Variants in IGF1R observed in about 807,000 individuals in gnomAD.
IGF1R encodes insulin-like growth factor 1 receptor.
A neutral mutation model predicts 144.6 loss-of-function variants in IGF1R; 44 were observed. That is an observed-to-expected ratio of 0.30 (90% CI 0.24 to 0.39). IGF1R has a LOEUF of 0.39. IGF1R is among the 10% of genes least tolerant of loss of function. The probability of loss-of-function intolerance (pLI) is 1.00; values close to 1 mark genes in which losing one functional copy is unlikely to be tolerated. For missense variants in IGF1R, 1,355 were observed against 1,833.7 expected (o/e 0.74, Z 4.77); for synonymous variants, 795 against 722.8 (o/e 1.10, Z -1.60).
chr15:98,785,960 G>C (rs1238813011), intron 2 of IGF1R, among the ~76,000 whole-genome samples: 2 of 152,226 alleles, frequency 1.3e-5, no homozygotes, highest in Admixed American at 1.3e-4. Flanking sequence ...GGTTGCGGCT[G>C]TCTAATCCAA....
intron 2 of IGF1R, among the ~76,000 whole-genome samples, chr15:98,818,874 A>C (rs570963499): frequency 3.9e-5 from 6 of 152,134 alleles, no homozygotes; most frequent in Non-Finnish European, 7.3e-5. Context: ...AGCAATTTGT[A>C]GTGGATAGAT....
intron 1 of IGF1R, among the ~76,000 whole-genome samples, chr15:98,650,060 A>T (rs1029646485): frequency 1.3e-4 from 19 of 149,334 alleles, no homozygotes; most frequent in African/African-American, 4.6e-4. Flanking sequence ...GCCTCTCCGC[A>T]CACAGCGCTG....
chr15:98,726,712 ATTTTTTTTTTT>A (rs756622481), intron 2 of IGF1R, among the ~76,000 whole-genome samples: 1,269 of 93,142 alleles, frequency 0.014, 28 homozygotes, highest in African/African-American at 0.047. Context: ...TACATTGATG[ATTTTTTTTTTT>A]TTTTTTTTTT....
chr15:98,909,003 C>A, intron 6 of IGF1R, 104 bp downstream of exon 6: 1 of 996,904 alleles, frequency 1.0e-6, no homozygotes, highest in Non-Finnish European at 1.6e-6. Context: ...CTCCTGGTTT[C>A]ACATGGGGGA....
chr15:98,848,199 T>C (rs2011408510), intron 2 of IGF1R, among the ~76,000 whole-genome samples: 3 of 152,158 alleles, frequency 2.0e-5, no homozygotes, highest in Non-Finnish European at 1.5e-5. Flanking sequence ...AAATACATGT[T>C]TTGGGTGAGA....
At position 98,661,956 on chromosome 15, in the gene IGF1R, C is replaced by CTTTTTTTTTTTTT. The variant is rs869208651; in HGVS notation, c.94+12295_94+12307dup. On this transcript the variant is annotated intron_variant, in intron 1 of 20. Coordinates refer to ENST00000650285, the MANE Select transcript of IGF1R (RefSeq NM_000875.5). ...GAATTGCTGCCAGTTGAATAGGGCC[C>CTTTTTTTTTTTTT]TTTTTTTTTTTTTTTTTTTTTTTTT... 6.2e-3 allele frequency among the ~76,000 whole-genome samples: 656 copies of CTTTTTTTTTTTTT among 105,654 alleles called. 39 individuals carry two copies. Among genetic ancestry groups the CTTTTTTTTTTTTT allele is most frequent in the African/African-American group, 0.014 (317 of 22,316 alleles). 69.3% of individuals were successfully genotyped at this position (105,654 alleles called of 152,430 possible). A position where few individuals can be genotyped will look rare whatever the true frequency, so the allele number is the denominator to read the frequency against.
At chr15:98,682,083 C>T (rs2141215465) in intron 1 of IGF1R, among the ~76,000 whole-genome samples, 2 of 152,276 alleles carry the variant, frequency 1.3e-5, no homozygotes, top group African/African-American at 4.8e-5. Flanking sequence ...GAGTGAACAG[C>T]AGGGTGGATG....
chr15:98,960,099 A>C lies in IGF1R; in HGVS notation c.*2657A>C. The C allele has an allele frequency of 4.3e-6, 1 of 233,570 alleles. No homozygotes were observed. Among genetic ancestry groups the C allele is most frequent in the Non-Finnish European group, 8.5e-6 (1 of 118,030 alleles). The allele number at this position is 233,570 out of a possible 1,614,324, so 14.5% of individuals were successfully genotyped here. The stretch of plus-strand genomic sequence containing the variant: ...ATTTTTTATATGTGTATATAGACAA[A>C]AGAATACATCTCACCTTTCTCAGCA... On this transcript the variant is annotated 3_prime_UTR_variant, in exon 21 of 21. Transcript: ENST00000650285.
At chr15:98,867,967 A>G (rs1279308144) in intron 2 of IGF1R, among the ~76,000 whole-genome samples, 1 of 152,198 alleles carries the variant, frequency 6.6e-6, no homozygotes, top group Non-Finnish European at 1.5e-5. Flanking sequence ...TTGGGAGGCC[A>G]GGGCGGGCAG....
At chr15:98,723,741 A>ATAC (rs1356449631) in intron 2 of IGF1R, among the ~76,000 whole-genome samples, 6 of 152,248 alleles carry the variant, frequency 3.9e-5, no homozygotes, top group African/African-American at 9.6e-5. Flanking sequence ...AAGATACTGG[A>ATAC]TACTAGCTCA....
At chr15:98,777,132 T>G (rs1241878479) in intron 2 of IGF1R, among the ~76,000 whole-genome samples, 1 of 152,050 alleles carries the variant, frequency 6.6e-6, no homozygotes, top group African/African-American at 2.4e-5. Context: ...AGTTCACATG[T>G]GTTGCTGCAG....
intron 2 of IGF1R, among the ~76,000 whole-genome samples, chr15:98,755,255 C>T (rs537483694): frequency 1.3e-5 from 2 of 151,716 alleles, no homozygotes; most frequent in African/African-American, 2.4e-5. Flanking sequence ...TCAGTTGCTG[C>T]GGAGTTTGAA....
intron 1 of IGF1R, among the ~76,000 whole-genome samples, chr15:98,681,740 G>A (rs1453669435): frequency 1.3e-5 from 2 of 152,158 alleles, no homozygotes; most frequent in African/African-American, 4.8e-5. Context: ...AGGTGAGTCT[G>A]GTTCAGTTGG....
At chr15:98,747,905 A>T (rs1415679018) in intron 2 of IGF1R, among the ~76,000 whole-genome samples, 2 of 152,206 alleles carry the variant, frequency 1.3e-5, no homozygotes, top group Non-Finnish European at 2.9e-5. Flanking sequence ...GCATTAGTAT[A>T]AGTAGCCAAC....
intron 2 of IGF1R, among the ~76,000 whole-genome samples, chr15:98,859,853 A>G (rs147619932): frequency 3.3e-5 from 5 of 152,208 alleles, no homozygotes; most frequent in Non-Finnish European, 7.3e-5. Flanking sequence ...TCTGTACTGT[A>G]TATTTTTGTG....
At chr15:98,928,246 A>G (rs2015801821) in intron 13 of IGF1R, among the ~76,000 whole-genome samples, 1 of 152,216 alleles carries the variant, frequency 6.6e-6, no homozygotes, top group East Asian at 1.9e-4. Context: ...ATGACTTACC[A>G]AGCCAGATCA....
At chr15:98,787,663 A>G (rs1390544457) in intron 2 of IGF1R, among the ~76,000 whole-genome samples, 3 of 152,184 alleles carry the variant, frequency 2.0e-5, no homozygotes, top group African/African-American at 7.2e-5. Context: ...AGGTCTCTTA[A>G]AACAGAGACC....
chr15:98,783,757 A>ACT (rs887667610), intron 2 of IGF1R, among the ~76,000 whole-genome samples: 2 of 151,916 alleles, frequency 1.3e-5, no homozygotes, highest in South Asian at 2.1e-4. Context: ...AGATATGTCA[A>ACT]CTCCTTTTAT....
At chr15:98,928,290 T>A (rs1041541114) in intron 13 of IGF1R, among the ~76,000 whole-genome samples, 6 of 152,144 alleles carry the variant, frequency 3.9e-5, no homozygotes, top group African/African-American at 1.4e-4. Context: ...AAGACAAGGA[T>A]CAGTGACTTC....
Sources: gnomAD v4.1 joint callset for allele counts (sites outside exome capture counted in the v4.1 genomes callset) on GRCh38, gnomAD v4.1.1 for gene constraint, MANE v1.5 for transcripts, NCBI Gene and HGNC (gene_info 2026-07-23, HGNC 2026-07-21) for gene names.